GPN2: variants seen among roughly 807,000 people sequenced by gnomAD.
The protein encoded by GPN2 is ATP-binding domain 1 family member B.
GPN2 carries 27 observed loss-of-function variants against 30.1 expected under a neutral mutation model. The observed-to-expected ratio is 0.90, with a 90% CI of 0.66 to 1.24. The LOEUF (loss-of-function observed/expected upper bound fraction) is 1.24, where lower values mean the gene tolerates loss of function less well. Ranked by LOEUF, GPN2 falls within the 50% of genes most tolerant of loss-of-function variation. The pLI, the probability that GPN2 is intolerant of heterozygous loss-of-function variation, is 0.00. For synonymous variants in GPN2, 212 were observed against 174.4 expected (o/e 1.22, Z -1.70); for missense variants, 406 against 405.4 (o/e 1.00, Z -0.01).
Position 26,889,991 on chromosome 1 carries a change from G to C in GPN2, c.106C>G (p.Leu36Val). The part of the protein sequence containing the change: ...CLGMSEFLRA[L>V]GRRVAVVNLD... The stretch of plus-strand genomic sequence containing the variant: ...TTCACCACCGCCACGCGCCGGCCCA[G>C]CGCGCGCAGGAACTCACTCATGCCC... Residue 36 changes from leucine (L) to valine (V), a missense_variant, in exon 1 of 5, where the codon CTG becomes GTG. Physicochemically the swap from Leu to Val is conservative, Grantham distance 32. Transcript: ENST00000374135. 1.9e-6 allele frequency: 3 copies of C among 1,601,684 alleles called. No homozygotes were observed. Among genetic ancestry groups the C allele is most frequent in the Non-Finnish European group, 2.5e-6 (3 of 1,179,210 alleles).
At position 26,878,250 on chromosome 1, in the gene GPN2, T is replaced by C. The variant is rs1051580126; in HGVS notation, c.*1427A>G. Reference sequence around the variant, plus strand: ...ATTTTTGCCACACTCTCATAGGAACTGCCATATTATATAATTAATATTTTT... The same window carrying C: ...ATTTTTGCCACACTCTCATAGGAACCGCCATATTATATAATTAATATTTTT... On this transcript the variant is annotated 3_prime_UTR_variant, in exon 5 of 5. Coordinates refer to ENST00000374135, the MANE Select transcript of GPN2 (RefSeq NM_018066.4). The C allele has an allele frequency of 1.3e-5, 2 of 152,144 alleles. No individual in the cohort carries two copies. Among genetic ancestry groups the C allele is most frequent in the Admixed American group, 6.6e-5 (1 of 15,248 alleles). 9.4% of individuals were successfully genotyped at this position (152,144 alleles called of 1,614,324 possible). A position where few individuals can be genotyped will look rare whatever the true frequency, so the allele number is the denominator to read the frequency against.
At position 26,880,310 on chromosome 1, in the gene GPN2, G is replaced by T. The variant is rs149970588; in HGVS notation, c.861-561C>A. Among the ~76,000 whole-genome samples, 5 of 152,278 alleles carry T rather than the reference G, an allele frequency of 3.3e-5. No homozygotes were observed. The East Asian group carries it at 9.7e-4, about 29-fold the overall frequency. On this transcript the variant is annotated intron_variant, in intron 4 of 4. Coordinates refer to ENST00000374135, the MANE Select transcript of GPN2 (RefSeq NM_018066.4). ...CCCACCAAATGATGTTCGAGTTACA[G>T]ACCTTTCTTTTTCTTTTTTTTGAGA...
intron 1 of GPN2, among the ~76,000 whole-genome samples, chr1:26,889,397 T>G (rs2081908335): frequency 6.6e-6 from 1 of 152,132 alleles, no homozygotes; most frequent in Non-Finnish European, 1.5e-5. Flanking sequence ...GCCCACCAAT[T>G]TACAACAATC....
chr1:26,888,717 C>A (rs1282244984), intron 2 of GPN2, among the ~76,000 whole-genome samples: 2 of 152,208 alleles, frequency 1.3e-5, no homozygotes, highest in African/African-American at 4.8e-5. Context: ...CACTTCACTC[C>A]CAAATATTCA....
chr1:26,888,927 C>A, intron 2 of GPN2, 42 bp downstream of exon 2: 1 of 1,605,468 alleles, frequency 6.2e-7, no homozygotes, highest in Non-Finnish European at 8.5e-7. Context: ...TCATTCTAGC[C>A]CAGCTGCTGC....
rs536983805 is a variant in GPN2 at position 26,879,744 on chromosome 1, A to C, written c.866T>G (p.Leu289Arg). The C allele has an allele frequency of 1.4e-5, 22 of 1,613,360 alleles. No individual in the cohort carries two copies. In the East Asian group the frequency reaches 2.7e-4, roughly 20 times the overall value. The change falls in exon 5 of 5, where the codon CTG becomes CGG. Residue 289 changes from leucine (L) to arginine (R), a missense_variant. Transcript: ENST00000374135. ...MGADFHFSST[L>R]GIQEKYLAPS... ...TGCCAGGTACTTCTCCTGGATGCCCAGTGTGCTGAGGAAGGGTGCGTCAAG... is the reference window on the plus strand; with the variant it reads ...TGCCAGGTACTTCTCCTGGATGCCCCGTGTGCTGAGGAAGGGTGCGTCAAG...
At chr1:26,879,798 C>T in intron 4 of GPN2, 49 bp from the exon 5 acceptor site, 4 of 1,324,458 alleles carry the variant, frequency 3.0e-6, no homozygotes, top group South Asian at 2.4e-5. Flanking sequence ...GGATGGGGAG[C>T]TGGTCTGGGC....
chr1:26,882,585 T>C (rs1228290070), intron 4 of GPN2, among the ~76,000 whole-genome samples: 3 of 152,170 alleles, frequency 2.0e-5, no homozygotes, highest in Non-Finnish European at 4.4e-5. Context: ...GGAATTATTT[T>C]CCTCTATACC....
Position 26,890,039 on chromosome 1 carries a change from A to T in GPN2, c.58T>A (p.Ser20Thr). 6.3e-7 allele frequency: 1 copy of T among 1,589,798 alleles called. No individual in the cohort carries two copies. The highest frequency in any genetic ancestry group is 8.5e-7 in the Non-Finnish European group (1 of 1,174,264). The change falls in exon 1 of 5, where the codon TCA (serine) becomes ACA (threonine). Residue 20 changes from serine (S) to threonine (T), a missense_variant. Coordinates refer to ENST00000374135, the MANE Select transcript of GPN2 (RefSeq NM_018066.4). ...CCCAGGCAGTACGTGGTCTTCCCTG[A>T]GCCCGGCGGGCCGATCACCGCCTGC... ...FGQAVIGPPG[S>T]GKTTYCLGMS... is the part of the protein sequence containing the mutation.
intron 4 of GPN2, among the ~76,000 whole-genome samples, chr1:26,881,434 T>C (rs1436309156): frequency 1.3e-5 from 2 of 152,250 alleles, no homozygotes; most frequent in Admixed American, 6.5e-5. Flanking sequence ...ACCCAAAGTA[T>C]GATTTCTACT....
chr1:26,880,721 C>T (rs2081860205), intron 4 of GPN2, among the ~76,000 whole-genome samples: 1 of 152,254 alleles, frequency 6.6e-6, no homozygotes, highest in Non-Finnish European at 1.5e-5. Flanking sequence ...CCACCTTTAA[C>T]TCCCAAAGTG....
intron 4 of GPN2, among the ~76,000 whole-genome samples, chr1:26,881,141 G>C (rs953281118): frequency 1.3e-5 from 2 of 152,064 alleles, no homozygotes; most frequent in African/African-American, 4.8e-5. Context: ...TTATATATAC[G>C]AATACATAAA....
At chr1:26,887,618 C>T (rs893940363) in intron 2 of GPN2, among the ~76,000 whole-genome samples, 2 of 150,224 alleles carry the variant, frequency 1.3e-5, no homozygotes, top group African/African-American at 4.9e-5. Flanking sequence ...CTGGAGTGCA[C>T]TGGCATGATC....
Position 26,889,088 on chromosome 1 carries a change from G to A in GPN2, c.449C>T (p.Thr150Ile), listed in dbSNP as rs199780223. Residue 150 changes from threonine (T) to isoleucine (I), a missense_variant, in exon 2 of 5, where the codon ACA becomes ATA. Physicochemically the swap from Thr to Ile is moderately conservative, Grantham distance 89. Coordinates refer to ENST00000374135, the MANE Select transcript of GPN2 (RefSeq NM_018066.4). ...AVHLVDSHYCTDPAKFISVLC... is the reference protein window; with the variant it reads ...AVHLVDSHYCIDPAKFISVLC... ...TACTGAAATGAACTTGGCAGGGTCT[G>A]TGCAGTAGTGAGAATCCACGAGGTG... 3.5e-5 allele frequency: 56 copies of A among 1,613,924 alleles called. No homozygotes were observed. The highest frequency in any genetic ancestry group is 4.2e-5 in the Non-Finnish European group (50 of 1,179,780).
chr1:26,881,886 G>A (rs972790771), intron 4 of GPN2, among the ~76,000 whole-genome samples: 7 of 152,148 alleles, frequency 4.6e-5, no homozygotes, highest in African/African-American at 1.7e-4. Flanking sequence ...CTCCAGCCTG[G>A]GCAAAGGAGC....
intron 2 of GPN2, among the ~76,000 whole-genome samples, chr1:26,887,103 G>A (rs572434594): frequency 6.6e-6 from 1 of 152,048 alleles, no homozygotes; most frequent in South Asian, 2.1e-4. Context: ...ATACCCTCAG[G>A]ACCTGGCACA....
Position 26,877,557 on chromosome 1 carries a change from C to T in GPN2, c.*2120G>A, listed in dbSNP as rs547287575. On this transcript the variant is annotated 3_prime_UTR_variant, in exon 5 of 5. Coordinates refer to ENST00000374135, the MANE Select transcript of GPN2 (RefSeq NM_018066.4). ...ATAAATATACCAAAGGAGGGATACT[C>T]GCAATTTAGTCAGCAAAATGGGTTA... is the stretch of plus-strand genomic sequence containing the variant. 1.3e-5 allele frequency: 2 copies of T among 152,182 alleles called. No individual in the cohort carries two copies. Among genetic ancestry groups the T allele is most frequent in the Non-Finnish European group, 2.9e-5 (2 of 68,030 alleles). The allele number at this position is 152,182 out of a possible 1,614,324, so 9.4% of individuals were successfully genotyped here. A position where few individuals can be genotyped will look rare whatever the true frequency, so the allele number is the denominator to read the frequency against.
chr1:26,884,124 C>T (rs2081878345), intron 4 of GPN2, 36 bp downstream of exon 4: 2 of 1,594,840 alleles, frequency 1.3e-6, no homozygotes, highest in East Asian at 2.2e-5. Flanking sequence ...CCATGTCTCA[C>T]CCTCTCTGCT....
At position 26,879,353 on chromosome 1, in the gene GPN2, TGAA is replaced by T. The variant is rs2081853626; in HGVS notation, c.*321_*323del. ...CCCCAAACCCCTGGGCCCGGAAGAC[TGAA>T]GAAAAGTTTGGAAGTCACAAAAAGT... is the stretch of plus-strand genomic sequence containing the variant. On this transcript the variant is annotated 3_prime_UTR_variant, in exon 5 of 5. Transcript: ENST00000374135. The T allele has an allele frequency of 3.4e-6, 1 of 294,618 alleles. No individual in the cohort carries two copies. The highest frequency in any genetic ancestry group is 5.9e-5 in the South Asian group (1 of 17,014). 18.3% of individuals were successfully genotyped at this position (294,618 alleles called of 1,614,324 possible).
Sources: allele counts gnomAD v4.1 joint callset (sites outside exome capture counted in the v4.1 genomes callset), GRCh38; gene constraint gnomAD v4.1.1; transcripts MANE v1.5; gene names NCBI Gene and HGNC (gene_info 2026-07-23, HGNC 2026-07-21).